The following AHDC1 variants were observed in gnomAD, a reference collection of about 807,000 sequenced individuals.
AHDC1 encodes the protein transcription factor Gibbin.
AHDC1 carries 7 observed loss-of-function variants against 87.9 expected under a neutral mutation model. The observed-to-expected ratio is 0.08, with a 90% CI of 0.05 to 0.15. AHDC1 has a LOEUF of 0.15. AHDC1 is among the 10% of genes least tolerant of loss of function. The pLI is 1.00. For synonymous variants in AHDC1, 1,051 were observed against 1,006.8 expected (o/e 1.04, Z -0.83); for missense variants, 1,841 against 2,253.2 (o/e 0.82, Z 3.70).
intron 8 of AHDC1, among the ~76,000 whole-genome samples, chr1:27,544,088 T>A (rs1421080128): frequency 6.6e-6 from 1 of 152,126 alleles, no homozygotes; most frequent in African/African-American, 2.4e-5. Flanking sequence ...TAATCCTGGC[T>A]CCACTATCTG....
chr1:27,538,539 G>GA (rs1487550593), intron 8 of AHDC1, among the ~76,000 whole-genome samples: 2 of 150,982 alleles, frequency 1.3e-5, no homozygotes, highest in African/African-American at 4.9e-5. Context: ...TTTTGAGACA[G>GA]GTTCTCACTC....
chr1:27,547,872 G>C lies in AHDC1; in HGVS notation c.4244C>G (p.Pro1415Arg). ...TLGFKEELRPPPTKLAACEPL... is the reference protein window; with the variant it reads ...TLGFKEELRPRPTKLAACEPL... ...CTCGCAGGCAGCCAGCTTTGTGGGC[G>C]GTGGCCGCAGCTCTTCCTTGAAGCC... The change falls in exon 8 of 9, where the codon CCG becomes CGG. Residue 1415 changes from proline (P) to arginine (R), a missense_variant. Physicochemically the swap from Pro to Arg is moderately radical, Grantham distance 103. Transcript: ENST00000673934. This position sits in a 1 kb window ranked among gnomAD's most constrained non-coding sequence, Gnocchi z 4.9. 1 of 1,549,660 alleles carries C rather than the reference G, an allele frequency of 6.5e-7. No homozygotes were observed. The highest frequency in any genetic ancestry group is 8.7e-7 in the Non-Finnish European group (1 of 1,145,124).
chr1:27,587,258 T>C (rs567367589), intron 3 of AHDC1, among the ~76,000 whole-genome samples: 14 of 152,308 alleles, frequency 9.2e-5, no homozygotes, highest in Admixed American at 2.0e-4. Flanking sequence ...AAGCTGACTC[T>C]CTAAGGGGTA....
chr1:27,588,953 A>C (rs114347706), intron 3 of AHDC1, among the ~76,000 whole-genome samples: 1,976 of 152,108 alleles, frequency 0.013, 40 homozygotes, highest in African/African-American at 0.041. Flanking sequence ...AGTGAGTGAG[A>C]AACTATGTAT....
intron 3 of AHDC1, among the ~76,000 whole-genome samples, chr1:27,569,917 G>A (rs918608230): frequency 2.6e-5 from 4 of 152,070 alleles, no homozygotes; most frequent in African/African-American, 7.2e-5. Flanking sequence ...GCGGCACTGT[G>A]ATGCCCTGAG....
intron 8 of AHDC1, among the ~76,000 whole-genome samples, chr1:27,541,327 TA>T (rs1288430268): frequency 6.6e-6 from 1 of 152,192 alleles, no homozygotes; most frequent in African/African-American, 2.4e-5. Context: ...TTTTATTTTT[TA>T]TTTTTTTTGA....
At chr1:27,557,386 A>C (rs1460490989) in intron 5 of AHDC1, among the ~76,000 whole-genome samples, 96 of 65,384 alleles carry the variant, frequency 1.5e-3, no homozygotes, top group African/African-American at 2.0e-3. Context: ...ACCCCCGCCC[A>C]CCTCCTTCCC....
At position 27,593,860 on chromosome 1, in the gene AHDC1, T is replaced by C. The variant is rs2089293822; in HGVS notation, c.-629+9537A>G. ...GCCTGCATCCCAGGACTTGCTGGGCTGGGACACAGGCGATGTCTTGGGGAC... is the reference window on the plus strand; with the variant it reads ...GCCTGCATCCCAGGACTTGCTGGGCCGGGACACAGGCGATGTCTTGGGGAC... On this transcript the variant is annotated intron_variant, in intron 3 of 8. Coordinates refer to ENST00000673934, the MANE Select transcript of AHDC1 (RefSeq NM_001371928.1). This position sits in a 1 kb window ranked among gnomAD's most constrained non-coding sequence, Gnocchi z 4.9. 6.6e-6 allele frequency among the ~76,000 whole-genome samples: 1 copy of C among 152,214 alleles called. No individual in the cohort carries two copies. Among genetic ancestry groups the C allele is most frequent in the Non-Finnish European group, 1.5e-5 (1 of 68,032 alleles).
At chr1:27,557,578 T>A (rs957576372) in intron 5 of AHDC1, among the ~76,000 whole-genome samples, 1 of 152,192 alleles carries the variant, frequency 6.6e-6, no homozygotes, top group Non-Finnish European at 1.5e-5. Context: ...TGGAGCCACA[T>A]GTGCACATCA....
At chr1:27,579,017 T>C (rs1317704379) in intron 3 of AHDC1, among the ~76,000 whole-genome samples, 1 of 151,942 alleles carries the variant, frequency 6.6e-6, no homozygotes, top group African/African-American at 2.4e-5. Flanking sequence ...TTCTATTATG[T>C]GTCTACTGGA....
chr1:27,553,765 T>TA (rs569627672), intron 5 of AHDC1, among the ~76,000 whole-genome samples: 11 of 151,292 alleles, frequency 7.3e-5, no homozygotes, highest in Admixed American at 2.6e-4. Context: ...CAGCAGCGCT[T>TA]AAAAAAAAAC....
At chr1:27,585,253 CAAAAAAAAAAA>C (rs35143338) in intron 3 of AHDC1, among the ~76,000 whole-genome samples, 3 of 66,336 alleles carry the variant, frequency 4.5e-5, no homozygotes, top group African/African-American at 1.1e-4. Context: ...GACCCTGTCT[CAAAAAAAAAAA>C]AAAAAAAAAA....
Position 27,562,377 on chromosome 1 carries a change from G to A in AHDC1, c.-628-3494C>T, listed in dbSNP as rs924695149. ...CTCCCGGCCCGCGCAGAGCTGCCCC[G>A]ATTAATCCTGTGGCTCCAGAGCCTT... On this transcript the variant is annotated intron_variant, in intron 3 of 8. Coordinates refer to ENST00000673934, the MANE Select transcript of AHDC1 (RefSeq NM_001371928.1). This position sits in a 1 kb window ranked among gnomAD's most constrained non-coding sequence, Gnocchi z 4.4. 1.7e-4 allele frequency among the ~76,000 whole-genome samples: 26 copies of A among 152,210 alleles called. No individual in the cohort carries two copies. Among genetic ancestry groups the A allele is most frequent in the African/African-American group, 6.0e-4 (25 of 41,524 alleles).
chr1:27,549,633 A>G lies in AHDC1; in HGVS notation c.2483T>C (p.Leu828Pro), dbSNP rs1256561628. Residue 828 changes from leucine (L) to proline (P), a missense_variant, in exon 8 of 9, where the codon CTC (leucine) becomes CCC (proline). By Grantham distance (98) the Leu-to-Pro change is moderately conservative. Coordinates refer to ENST00000673934, the MANE Select transcript of AHDC1 (RefSeq NM_001371928.1). ...STGAPSGQTE[L>P]SQERQNLFTG... Reference sequence around the variant, plus strand: ...GAAGAGGTTTTGGCGCTCCTGGCTGAGCTCGGTCTGGCCTGAGGGTGCACC... The same window carrying G: ...GAAGAGGTTTTGGCGCTCCTGGCTGGGCTCGGTCTGGCCTGAGGGTGCACC... 1.9e-6 allele frequency: 3 copies of G among 1,612,974 alleles called. No individual in the cohort carries two copies. The highest frequency in any genetic ancestry group is 1.7e-6 in the Non-Finnish European group (2 of 1,180,010).
intron 5 of AHDC1, among the ~76,000 whole-genome samples, chr1:27,557,418 C>T (rs974481679): frequency 6.6e-6 from 1 of 151,614 alleles, no homozygotes; most frequent in African/African-American, 2.4e-5. Context: ...TTGTTCCACG[C>T]CCCCCCGCTC....
intron 8 of AHDC1, among the ~76,000 whole-genome samples, chr1:27,536,828 C>A (rs964257998): frequency 2.0e-5 from 3 of 152,112 alleles, no homozygotes; most frequent in African/African-American, 7.2e-5. Context: ...CCGGGGCAGG[C>A]TGGGAGCCTC....
intron 8 of AHDC1, among the ~76,000 whole-genome samples, chr1:27,546,188 C>T (rs1327406352): frequency 6.6e-6 from 1 of 152,222 alleles, no homozygotes; most frequent in Non-Finnish European, 1.5e-5. Flanking sequence ...TCACCAACCA[C>T]CACATCTGGG....
At chr1:27,602,734 T>G (rs1242815720) in intron 3 of AHDC1, among the ~76,000 whole-genome samples, 2 of 152,094 alleles carry the variant, frequency 1.3e-5, no homozygotes, top group Non-Finnish European at 2.9e-5. Context: ...TATGCAAAAG[T>G]GAGCCGACTT....
Position 27,549,084 on chromosome 1 carries a change from G to A in AHDC1, c.3032C>T (p.Ser1011Leu). 1 of 1,556,408 alleles carries A rather than the reference G, an allele frequency of 6.4e-7. No homozygotes were observed. The highest frequency in any genetic ancestry group is 8.7e-7 in the Non-Finnish European group (1 of 1,150,758). ...AYGSGNSLPA[S>L]PSSAHSAGYA... is the part of the protein sequence containing the mutation. ...GCCGGCGCTGTGGGCGCTGCTGGGT[G>A]AGGCAGGGAGGCTGTTGCCACTGCC... Residue 1011 changes from serine (S) to leucine (L), a missense_variant, in exon 8 of 9, where the codon TCA becomes TTA. By Grantham distance (145) the Ser-to-Leu change is moderately radical. This residue lies in a region of AHDC1 where 378 missense variants were observed against 399.0 expected (regional missense o/e 0.95). Transcript: ENST00000673934.
Sources: allele counts gnomAD v4.1 joint callset (sites outside exome capture counted in the v4.1 genomes callset), GRCh38; gene constraint gnomAD v4.1.1; regional missense constraint gnomAD v4.1.1; non-coding constraint Gnocchi (gnomAD v3.1); transcripts MANE v1.5; gene names NCBI Gene and HGNC (gene_info 2026-07-23, HGNC 2026-07-21).